Variants in INTU observed in about 807,000 individuals in gnomAD.
The protein encoded by INTU is inturned planar cell polarity protein, also known as protein inturned.
In INTU, 68 loss-of-function variants were observed where a neutral mutation model predicts 100.5. That is an observed-to-expected ratio of 0.68 (90% confidence interval 0.56 to 0.83). INTU has a LOEUF of 0.83. Among genes scored for constraint, INTU ranks in the 40% least tolerant of loss-of-function variants. INTU has a pLI of 0.00. For synonymous variants in INTU, 357 were observed against 395.7 expected, an observed-to-expected ratio of 0.90 and a Z score of 1.16; for missense variants, 1,071 against 1,114.7, an observed-to-expected ratio of 0.96 and a Z score of 0.56.
intron 8 of INTU, among the ~76,000 whole-genome samples, chr4:127,696,856 A>G (rs918029361): frequency 2.0e-5 from 3 of 152,118 alleles, no homozygotes; most frequent in African/African-American, 4.8e-5. Flanking sequence ...GCTGCACCAT[A>G]TAAGTTTTGA....
intron 3 of INTU, among the ~76,000 whole-genome samples, chr4:127,659,946 A>G (rs1402483963): frequency 6.6e-6 from 1 of 152,240 alleles, no homozygotes; most frequent in Admixed American, 6.5e-5. Context: ...ATTAGAAAAC[A>G]AACTAGTAAA....
chr4:127,712,577 G>C (rs1731132482), intron 14 of INTU, among the ~76,000 whole-genome samples: 1 of 152,150 alleles, frequency 6.6e-6, no homozygotes, highest in Non-Finnish European at 1.5e-5. Flanking sequence ...AAATTAGTAT[G>C]CTGAGAAGAA....
intron 13 of INTU, among the ~76,000 whole-genome samples, chr4:127,708,998 GT>G (rs1351586788): frequency 2.6e-5 from 4 of 152,112 alleles, no homozygotes; most frequent in African/African-American, 9.7e-5. Context: ...ATGCAGTGGT[GT>G]GCTGTCCAGT....
chr4:127,662,055 T>G (rs1264513114), intron 3 of INTU, among the ~76,000 whole-genome samples: 2 of 152,200 alleles, frequency 1.3e-5, no homozygotes, highest in Non-Finnish European at 2.9e-5. Flanking sequence ...TTGAGCATTT[T>G]TTCATGTTTG....
chr4:127,668,970 G>T lies in INTU; in HGVS notation c.973-66G>T. On this transcript the variant is annotated intron_variant, in intron 4 of 15. Coordinates refer to ENST00000335251, the MANE Select transcript of INTU (RefSeq NM_015693.4). ...TTGTTCTTTTCTTAACACAAAGTTT[G>T]AACTTGCCCTGACAAAGATAATGGT... 3 of 684,612 alleles carry T rather than the reference G, an allele frequency of 4.4e-6. No homozygotes were observed. The South Asian group carries it at 6.5e-5, about 15-fold the overall frequency. The allele number at this position is 684,612 out of a possible 1,614,324, so 42.4% of individuals were successfully genotyped here.
intron 4 of INTU, among the ~76,000 whole-genome samples, chr4:127,666,886 A>G (rs528047654): frequency 1.3e-5 from 2 of 152,250 alleles, no homozygotes; most frequent in South Asian, 2.1e-4. Flanking sequence ...ATTTTATCCA[A>G]AAGGATGCAT....
At position 127,663,451 on chromosome 4, in the gene INTU, A is replaced by G. The variant is rs1371061941; in HGVS notation, c.839A>G (p.Gln280Arg). 6.2e-7 allele frequency: 1 copy of G among 1,613,472 alleles called. No homozygotes were observed. The highest frequency in any genetic ancestry group is 8.5e-7 in the Non-Finnish European group (1 of 1,179,536). The change falls in exon 4 of 16, where the codon CAG becomes CGG. Residue 280 changes from glutamine to arginine, a missense_variant. Physicochemically the swap from Gln to Arg is conservative, Grantham distance 43 (BLOSUM62 1). Transcript: ENST00000335251. Reference protein sequence around the residue: ...ETSHPRQKKTQSNTSDLVKLL... With the variant: ...ETSHPRQKKTRSNTSDLVKLL... ...TCCCATCCAAGACAGAAAAAGACAC[A>G]GTCCAACACAAGTGATTTAGTCAAG... is the stretch of plus-strand genomic sequence containing the variant.
At chr4:127,634,708 A>G (rs1726991892) in intron 1 of INTU, among the ~76,000 whole-genome samples, 1 of 152,250 alleles carries the variant, frequency 6.6e-6, no homozygotes. Context: ...ATAAAAGTAT[A>G]GAAAATCCCT....
Position 127,706,867 on chromosome 4 carries a change from A to G in INTU, c.2169A>G (p.Gly723=). ...GATCTGACAATGGTTGTGAAGGTGG[A>G]GAAGATGATGGCTTTAGCCCCCATA... The part of the protein sequence containing the change: ...SGGSDNGCEG[G]EDDGFSPHTT... Residue 723 remains glycine, a synonymous_variant, in exon 12 of 16, where the codon GGA becomes GGG. Coordinates refer to ENST00000335251, the MANE Select transcript of INTU (RefSeq NM_015693.4). 6.2e-7 allele frequency: 1 copy of G among 1,614,072 alleles called. No homozygotes were observed. Among genetic ancestry groups the G allele is most frequent in the Non-Finnish European group, 8.5e-7 (1 of 1,179,986 alleles).
At chr4:127,657,009 A>G (rs1560839166) in intron 3 of INTU, among the ~76,000 whole-genome samples, 1 of 152,194 alleles carries the variant, frequency 6.6e-6, no homozygotes, top group Non-Finnish European at 1.5e-5. Context: ...ACTACCATAT[A>G]TGCTTGTGAC....
At position 127,698,795 on chromosome 4, in the gene INTU, T is replaced by C. The variant is rs753366762; in HGVS notation, c.1450-1215T>C. 1.2e-4 allele frequency among the ~76,000 whole-genome samples: 18 copies of C among 152,310 alleles called. No individual in the cohort carries two copies. The South Asian group carries it at 2.9e-3, about 25-fold the overall frequency. ...TGTATACTAATTAGCCTGTAGAGTT[T>C]AGTAGCAGGAATAGCAACTCATTGA... On this transcript the variant is annotated intron_variant, in intron 8 of 15. Transcript: ENST00000335251.
chr4:127,640,104 A>C (rs145140955), intron 1 of INTU, among the ~76,000 whole-genome samples: 1 of 152,164 alleles, frequency 6.6e-6, no homozygotes, highest in East Asian at 1.9e-4. Flanking sequence ...CAGAAACACA[A>C]GAGTTATATC....
chr4:127,650,555 A>G (rs554015513), intron 2 of INTU, among the ~76,000 whole-genome samples: 1 of 151,940 alleles, frequency 6.6e-6, no homozygotes, highest in Non-Finnish European at 1.5e-5. Context: ...TGAACTCATC[A>G]TTTTTTATGG....
intron 8 of INTU, among the ~76,000 whole-genome samples, chr4:127,695,355 C>A (rs1730336326): frequency 6.6e-6 from 1 of 152,104 alleles, no homozygotes; most frequent in Non-Finnish European, 1.5e-5. Flanking sequence ...CCTGTAATCC[C>A]AGCGCTTTGG....
At chr4:127,653,019 G>C (rs1215765742) in intron 2 of INTU, among the ~76,000 whole-genome samples, 1 of 151,470 alleles carries the variant, frequency 6.6e-6, no homozygotes, top group African/African-American at 2.4e-5. Flanking sequence ...AGAGGTGTTT[G>C]TAGTATTCTC....
intron 14 of INTU, among the ~76,000 whole-genome samples, chr4:127,713,180 G>A (rs915887012): frequency 6.6e-6 from 1 of 152,184 alleles, no homozygotes; most frequent in Non-Finnish European, 1.5e-5. Flanking sequence ...GCTACTGTGG[G>A]TAGAACAGGA....
chr4:127,634,997 T>C (rs1034398425), intron 1 of INTU, among the ~76,000 whole-genome samples: 1 of 152,214 alleles, frequency 6.6e-6, no homozygotes. Flanking sequence ...AATTTCCTAT[T>C]GTATTTCATG....
intron 8 of INTU, among the ~76,000 whole-genome samples, chr4:127,693,765 G>A (rs942632916): frequency 3.3e-5 from 5 of 152,058 alleles, no homozygotes; most frequent in African/African-American, 9.7e-5. Context: ...TGATTTTGCT[G>A]AGGGTTTTAA....
chr4:127,711,223 C>A, intron 14 of INTU, 121 bp downstream of exon 14: 1 of 699,796 alleles, frequency 1.4e-6, no homozygotes, highest in African/African-American at 1.8e-5. Context: ...TAAATAGTCA[C>A]TTAATCTAAC....
Sources: allele counts gnomAD v4.1 joint callset (sites outside exome capture counted in the v4.1 genomes callset), GRCh38; gene constraint gnomAD v4.1.1; transcripts MANE v1.5; gene names NCBI Gene and HGNC (gene_info 2026-07-23, HGNC 2026-07-21).